The following ESR1 variants were observed in gnomAD, a reference collection of about 807,000 sequenced individuals.
The protein encoded by ESR1 is estrogen receptor 1.
A neutral mutation model predicts 52.7 loss-of-function variants in ESR1; 12 were observed. That is an observed-to-expected ratio of 0.23 (90% CI 0.15 to 0.37). ESR1 has a LOEUF of 0.37. Among genes scored for constraint, ESR1 ranks in the 10% least tolerant of loss-of-function variants. ESR1 has a pLI of 1.00. For missense variants in ESR1, 584 were observed against 779.7 expected, an observed-to-expected ratio of 0.75 and a Z score of 2.99; for synonymous variants, 305 against 316.8, an observed-to-expected ratio of 0.96 and a Z score of 0.39.
At chr6:152,030,089 G>A (rs1584903565) in intron 5 of ESR1, among the ~76,000 whole-genome samples, 2 of 152,264 alleles carry the variant, frequency 1.3e-5, no homozygotes, top group South Asian at 4.1e-4. Context: ...ACAAGCAAAT[G>A]CTGAGAGATT....
intron 2 of ESR1, among the ~76,000 whole-genome samples, chr6:151,715,976 C>T (rs897135129): frequency 2.0e-5 from 3 of 152,208 alleles, no homozygotes; most frequent in African/African-American, 7.2e-5. Context: ...ATGGATTTAT[C>T]TACCTTTGGT....
intron 3 of ESR1, among the ~76,000 whole-genome samples, chr6:151,890,882 C>T (rs1035106563): frequency 3.9e-5 from 6 of 152,000 alleles, no homozygotes; most frequent in African/African-American, 1.4e-4. Context: ...TTTTCTTAAC[C>T]ATGCATTGAA....
intron 3 of ESR1, among the ~76,000 whole-genome samples, chr6:151,888,999 G>C (rs1208521807): frequency 6.6e-6 from 1 of 152,086 alleles, no homozygotes; most frequent in Non-Finnish European, 1.5e-5. Context: ...AACCATCGTT[G>C]CATCCCTGGG....
chr6:151,986,514 A>G (rs1224935380), intron 4 of ESR1, among the ~76,000 whole-genome samples: 1 of 152,098 alleles, frequency 6.6e-6, no homozygotes, highest in Non-Finnish European at 1.5e-5. Context: ...GTAAGATTAT[A>G]AAAGTGGCAA....
chr6:151,927,916 GT>G (rs2128477493), intron 3 of ESR1, among the ~76,000 whole-genome samples: 1 of 151,848 alleles, frequency 6.6e-6, no homozygotes, highest in African/African-American at 2.4e-5. Context: ...TAGAGATGAA[GT>G]TTTACCATGC....
intron 3 of ESR1, among the ~76,000 whole-genome samples, chr6:151,898,496 A>T (rs1330436303): frequency 1.3e-5 from 2 of 151,212 alleles, no homozygotes; most frequent in Non-Finnish European, 2.9e-5. Flanking sequence ...AGGTCAGCAG[A>T]TAAACAAGTG....
intron 1 of ESR1, among the ~76,000 whole-genome samples, chr6:151,827,344 C>CA (rs11407983): frequency 0.3 from 22,604 of 75,462 alleles, 2,774 homozygotes; most frequent in African/African-American, 0.4. Context: ...GACCCTGTCT[C>CA]AAAAAAAAAA....
upstream of ESR1, among the ~76,000 whole-genome samples, chr6:151,803,773 T>C (rs981946954): frequency 4.6e-5 from 7 of 152,092 alleles, no homozygotes; most frequent in Non-Finnish European, 1.0e-4. Context: ...AGGAATTGCC[T>C]CTTGATTAGG....
chr6:151,867,891 G>T (rs1790229619), intron 2 of ESR1, among the ~76,000 whole-genome samples: 1 of 152,154 alleles, frequency 6.6e-6, no homozygotes, highest in Admixed American at 6.5e-5. Flanking sequence ...GGAACCCTTT[G>T]ACATTGATTC....
rs537818284 is a variant in ESR1 at position 151,728,707 on chromosome 6, C to G, written c.-71+26702C>G. Among the ~76,000 whole-genome samples the G allele has an allele frequency of 6.3e-3, 966 of 152,326 alleles. 27 individuals are homozygous for G. Among genetic ancestry groups the G allele is most frequent in the South Asian group, 5.4e-3 (26 of 4,834 alleles). ...TTGATGCGCCTCCTTTTAAAATTCT[C>G]TTTCCTACCCTCCACCCCTCACTGT... On this transcript the variant is annotated intron_variant, in intron 2 of 2. Coordinates refer to the ESR1 transcript ENST00000404742.
intron 5 of ESR1, among the ~76,000 whole-genome samples, chr6:152,056,754 A>G (rs2047137890): frequency 6.6e-6 from 1 of 152,190 alleles, no homozygotes; most frequent in East Asian, 1.9e-4. Flanking sequence ...GACATAATCC[A>G]TGGAGGAGTT....
chr6:152,122,502 G>A (rs1195039347), intron 6 of ESR1: 2 of 1,614,082 alleles, frequency 1.2e-6, no homozygotes, highest in Non-Finnish European at 1.7e-6. Context: ...AGTTGTTGGA[G>A]AGGGCACAGC....
Position 151,984,881 on chromosome 6 carries a change from G to GGAAA in ESR1, c.1097-26774_1097-26771dup, listed in dbSNP as rs112226475. On this transcript the variant is annotated intron_variant, in intron 4 of 7. Transcript: ENST00000206249. ...TTGGATATTTTGAGATAACTGTGGA[G>GGAAA]GAAACAGCACTGATCCTGGGGCCAT... 4.2e-4 allele frequency among the ~76,000 whole-genome samples: 64 copies of GGAAA among 152,100 alleles called. 1 individual carries two copies. Among genetic ancestry groups the GGAAA allele is most frequent in the African/African-American group, 1.5e-3 (62 of 41,442 alleles).
intron 6 of ESR1, among the ~76,000 whole-genome samples, chr6:152,088,221 A>G (rs948712728): frequency 7.9e-5 from 12 of 152,202 alleles, no homozygotes; most frequent in Non-Finnish European, 1.0e-4. Flanking sequence ...TAATAAAGTA[A>G]TAAAATGCTT....
intron 3 of ESR1, among the ~76,000 whole-genome samples, chr6:151,882,143 G>A (rs1234914811): frequency 1.3e-5 from 2 of 152,088 alleles, no homozygotes; most frequent in African/African-American, 2.4e-5. Context: ...TTACTGGGAC[G>A]CAGGAGGAAG....
At chr6:151,973,536 G>A (rs942419112) in intron 4 of ESR1, among the ~76,000 whole-genome samples, 3 of 152,176 alleles carry the variant, frequency 2.0e-5, no homozygotes, top group Non-Finnish European at 4.4e-5. Context: ...ACACAAAGCT[G>A]TCACTGCTAT....
chr6:152,089,624 G>C (rs1044991707), intron 6 of ESR1, among the ~76,000 whole-genome samples: 1 of 152,138 alleles, frequency 6.6e-6, no homozygotes, highest in South Asian at 2.1e-4. Flanking sequence ...TGTCACCCAG[G>C]CTAGAGTGCA....
At chr6:152,002,697 C>A (rs1299686620) in intron 4 of ESR1, among the ~76,000 whole-genome samples, 3 of 151,922 alleles carry the variant, frequency 2.0e-5, no homozygotes, top group Non-Finnish European at 4.4e-5. Flanking sequence ...AAAATAATTT[C>A]TTTTACCTTT....
At chr6:151,866,810 T>C (rs1789995083) in intron 2 of ESR1, among the ~76,000 whole-genome samples, 1 of 152,176 alleles carries the variant, frequency 6.6e-6, no homozygotes, top group Non-Finnish European at 1.5e-5. Flanking sequence ...GTTTTTAGAA[T>C]AGAATGATTT....
Sources: gnomAD v4.1 joint callset for allele counts (sites outside exome capture counted in the v4.1 genomes callset) on GRCh38, gnomAD v4.1.1 for gene constraint, MANE v1.5 for transcripts, NCBI Gene and HGNC (gene_info 2026-07-23, HGNC 2026-07-21) for gene names.